IKBKB: variants seen among roughly 807,000 people sequenced by gnomAD.
IKBKB encodes inhibitor of nuclear factor kappa-B kinase subunit beta.
IKBKB carries 42 observed loss-of-function variants against 113.6 expected under a neutral mutation model. The observed-to-expected ratio is 0.37, with a 90% CI of 0.29 to 0.48. The LOEUF is 0.48. Ranked by LOEUF, IKBKB falls within the 20% of genes least tolerant of loss-of-function variation. IKBKB has a pLI of 0.99. For missense variants in IKBKB, 673 were observed against 939.7 expected (o/e 0.72, Z 3.71); for synonymous variants, 296 against 361.3 (o/e 0.82, Z 2.05).
Position 42,306,378 on chromosome 8 carries a change from G to A in IKBKB, c.513G>A (p.Lys171=), listed in dbSNP as rs1302899922. ...AAATTATTGACCTAGGATATGCCAA[G>A]GAGCTGGATCAGGGCAGTCTTTGCA... ...IHKIIDLGYA[K]ELDQGSLCTS... is the part of the protein sequence containing the mutation. The change falls in exon 7 of 22, where the codon AAG becomes AAA. Residue 171 remains lysine (K), a synonymous_variant. Coordinates refer to ENST00000520810, the MANE Select transcript of IKBKB (RefSeq NM_001556.3). 1 of 1,613,336 alleles carries A rather than the reference G, an allele frequency of 6.2e-7. No homozygotes were observed. The highest frequency in any genetic ancestry group is 1.7e-5 in the Admixed American group (1 of 60,020).
chr8:42,325,732 A>G (rs1030772248), intron 19 of IKBKB: 5 of 1,317,036 alleles, frequency 3.8e-6, no homozygotes, highest in Non-Finnish European at 3.9e-6. Flanking sequence ...TAATGTAGGC[A>G]CCCAGGTCTC....
intron 2 of IKBKB, among the ~76,000 whole-genome samples, chr8:42,286,268 C>T (rs769569082): frequency 9.0e-4 from 136 of 151,814 alleles, no homozygotes; most frequent in African/African-American, 3.2e-3. Context: ...TTCTTGGTGT[C>T]GGTGTTAAGG....
Position 42,278,439 on chromosome 8 carries a change from G to A in IKBKB, c.105+6234G>A, listed in dbSNP as rs114061020. 3.6e-3 allele frequency among the ~76,000 whole-genome samples: 545 copies of A among 152,304 alleles called. 5 individuals carry two copies. The highest frequency in any genetic ancestry group is 0.012 in the African/African-American group (513 of 41,572). On this transcript the variant is annotated intron_variant, in intron 2 of 21. Coordinates refer to ENST00000520810, the MANE Select transcript of IKBKB (RefSeq NM_001556.3). ...TGGGAGGGCCCAAGCAGTGGGCAGC[G>A]TGCTGGGAAAAAATCAGCTCTCGGA... is the stretch of plus-strand genomic sequence containing the variant.
chr8:42,303,749 C>T (rs757588166), intron 5 of IKBKB, among the ~76,000 whole-genome samples: 7 of 152,178 alleles, frequency 4.6e-5, no homozygotes, highest in Non-Finnish European at 8.8e-5. Flanking sequence ...TCAGGTGATT[C>T]GCCCACGTTG....
chr8:42,295,835 G>A (rs746141765), intron 5 of IKBKB, among the ~76,000 whole-genome samples: 1 of 152,086 alleles, frequency 6.6e-6, no homozygotes, highest in Non-Finnish European at 1.5e-5. Context: ...CTCTGGTTAC[G>A]TATTCTTTTG....
intron 2 of IKBKB, among the ~76,000 whole-genome samples, chr8:42,273,483 G>T (rs906853060): frequency 6.6e-6 from 1 of 151,716 alleles, no homozygotes; most frequent in East Asian, 1.9e-4. Flanking sequence ...TATTGCTTGC[G>T]ATACTGCACG....
At chr8:42,299,217 C>T (rs1056016499) in intron 5 of IKBKB, among the ~76,000 whole-genome samples, 1 of 152,198 alleles carries the variant, frequency 6.6e-6, no homozygotes, top group Non-Finnish European at 1.5e-5. Flanking sequence ...CGAACCTGGT[C>T]TCACAGAGTC....
intron 5 of IKBKB, among the ~76,000 whole-genome samples, chr8:42,299,181 C>T (rs984128506): frequency 2.0e-5 from 3 of 152,154 alleles, no homozygotes; most frequent in African/African-American, 7.2e-5. Context: ...ACTTTCTGCC[C>T]GCTGCCCAGG....
At chr8:42,321,830 CA>C in intron 16 of IKBKB, 65 bp from the exon 17 acceptor site, 25 of 1,234,808 alleles carry the variant, frequency 2.0e-5, no homozygotes, top group Admixed American at 6.9e-5. Flanking sequence ...CTACCTCTAC[CA>C]AAAAAATGTA....
intron 14 of IKBKB, 41 bp from the exon 15 acceptor site, chr8:42,319,544 A>ATTTTG (rs777430301): frequency 3.2e-6 from 5 of 1,577,268 alleles, no homozygotes; most frequent in South Asian, 1.2e-5. Flanking sequence ...TGGTGTTTTT[A>ATTTTG]TTTTGTTTTG....
chr8:42,292,721 T>A (rs1437803713), intron 4 of IKBKB, among the ~76,000 whole-genome samples: 1 of 152,140 alleles, frequency 6.6e-6, no homozygotes, highest in Non-Finnish European at 1.5e-5. Context: ...ACACAGAGCC[T>A]CTTGACAGTC....
rs1217962099 is a variant in IKBKB, at chr8:42,316,344, G to C, written c.930+5G>C. 1 of 1,614,042 alleles carries C rather than the reference G, an allele frequency of 6.2e-7. No homozygotes were observed. The highest frequency in any genetic ancestry group is 1.7e-5 in the Admixed American group (1 of 60,002). ...GATGACATCTTAAACTTAAAGGTGAGTGTGGAGCCAAGTTAGCCCTGAGGC... is the reference window on the plus strand; with the variant it reads ...GATGACATCTTAAACTTAAAGGTGACTGTGGAGCCAAGTTAGCCCTGAGGC... On this transcript the variant is annotated splice_donor_5th_base_variant and intron_variant, in intron 10 of 21. Transcript: ENST00000520810. The surrounding 1 kb of genome is among the most constrained non-coding windows in gnomAD (Gnocchi z 4.5).
chr8:42,317,705 A>C lies in IKBKB; in HGVS notation c.1174A>C (p.Asn392His). 6.2e-7 allele frequency: 1 copy of C among 1,614,120 alleles called. No individual in the cohort carries two copies. Among genetic ancestry groups the C allele is most frequent in the East Asian group, 2.2e-5 (1 of 44,888 alleles). ...LDMDLVFLFD[N>H]SKITYETQIS... Reference sequence around the variant, plus strand: ...CATGGATCTTGTTTTTCTCTTTGACAACAGTAAAATCACCTATGAGACTCA... The same window carrying C: ...CATGGATCTTGTTTTTCTCTTTGACCACAGTAAAATCACCTATGAGACTCA... The change falls in exon 12 of 22, where the codon AAC becomes CAC. Residue 392 changes from asparagine to histidine, a missense_variant. Around this residue, in one of 2 missense-constraint regions of IKBKB, gnomAD observed 506 missense variants for 638.7 expected, o/e 0.79. Transcript: ENST00000520810.
chr8:42,322,115 C>T lies in IKBKB; in HGVS notation c.1800C>T (p.Ser600=). The T allele has an allele frequency of 1.2e-6, 2 of 1,613,928 alleles. No individual in the cohort carries two copies. The highest frequency in any genetic ancestry group is 1.1e-5 in the South Asian group (1 of 91,074). ...MVRLLLQAIQ[S]FEKKVRVIYT... ...GGCTGCTGCTTCAGGCAATTCAGAG[C>T]TTCGAGAAGAAAGTGCGAGTGATCT... Residue 600 remains serine, a synonymous_variant, in exon 18 of 22, where the codon AGC becomes AGT. Coordinates refer to ENST00000520810, the MANE Select transcript of IKBKB (RefSeq NM_001556.3).
intron 19 of IKBKB, 40 bp from the exon 20 acceptor site, chr8:42,325,930 C>T (rs760152026): frequency 6.2e-7 from 1 of 1,611,606 alleles, no homozygotes. Flanking sequence ...AAATGTGATT[C>T]ATCACTTGGC....
intron 21 of IKBKB, among the ~76,000 whole-genome samples, chr8:42,330,550 G>A (rs1821579653): frequency 6.6e-6 from 1 of 151,934 alleles, no homozygotes; most frequent in African/African-American, 2.4e-5. Flanking sequence ...TTGCTCTTTT[G>A]CCCAGGGTGG....
At chr8:42,307,494 TA>T (rs1401753258) in intron 7 of IKBKB, among the ~76,000 whole-genome samples, 1 of 151,854 alleles carries the variant, frequency 6.6e-6, no homozygotes, top group African/African-American at 2.4e-5. Flanking sequence ...GTGGGTGAGG[TA>T]GGGGCAGTGA....
intron 2 of IKBKB, among the ~76,000 whole-genome samples, chr8:42,274,977 A>G (rs1057008525): frequency 1.3e-5 from 2 of 151,872 alleles, no homozygotes; most frequent in African/African-American, 4.8e-5. Flanking sequence ...CCCAGGTTCA[A>G]GCGATTCTCC....
At chr8:42,330,162 G>C (rs904663758) in intron 21 of IKBKB, 1 of 985,378 alleles carries the variant, frequency 1.0e-6, no homozygotes, top group Non-Finnish European at 1.2e-6. Flanking sequence ...GTGAGCATGG[G>C]AGTGAGTGCT....
Sources: allele counts gnomAD v4.1 joint callset (sites outside exome capture counted in the v4.1 genomes callset), GRCh38; gene constraint gnomAD v4.1.1; regional missense constraint gnomAD v4.1.1; non-coding constraint Gnocchi (gnomAD v3.1); transcripts MANE v1.5; gene names NCBI Gene and HGNC (gene_info 2026-07-23, HGNC 2026-07-21).